The following ZNF385D variants were observed in gnomAD, a reference collection of about 807,000 sequenced individuals.
The protein encoded by ZNF385D is zinc finger protein 385D.
In ZNF385D, 15 loss-of-function variants were observed where a neutral mutation model predicts 35.8. That is an observed-to-expected ratio of 0.42 (90% CI 0.28 to 0.64). The LOEUF (loss-of-function observed/expected upper bound fraction) is 0.64, where lower values mean the gene tolerates loss of function less well. Ranked by LOEUF, ZNF385D falls within the 30% of genes least tolerant of loss-of-function variation. ZNF385D has a pLI of 0.23. For synonymous variants in ZNF385D, 212 were observed against 186.8 expected (o/e 1.13, Z -1.10); for missense variants, 474 against 494.6 (o/e 0.96, Z 0.39).
intron 3 of ZNF385D, among the ~76,000 whole-genome samples, chr3:21,859,282 C>A (rs531531304): frequency 1.3e-5 from 2 of 152,042 alleles, no homozygotes; most frequent in Non-Finnish European, 2.9e-5. Context: ...AGATTCACTT[C>A]TGCTTCAGGA....
chr3:21,698,533 C>G (rs977134016), intron 1 of ZNF385D, among the ~76,000 whole-genome samples: 7 of 152,038 alleles, frequency 4.6e-5, no homozygotes, highest in Non-Finnish European at 1.5e-5. Context: ...GATGGATACA[C>G]TAGAATCTCA....
intron 3 of ZNF385D, among the ~76,000 whole-genome samples, chr3:22,086,460 G>C (rs562545682): frequency 4.3e-4 from 65 of 152,246 alleles, no homozygotes; most frequent in African/African-American, 1.5e-3. Context: ...TTGCTTCAAA[G>C]AGAATAAAAT....
At chr3:22,313,287 A>G (rs1703685323) in intron 2 of ZNF385D, among the ~76,000 whole-genome samples, 1 of 151,552 alleles carries the variant, frequency 6.6e-6, no homozygotes, top group Non-Finnish European at 1.5e-5. Flanking sequence ...ATTAGGAGAT[A>G]TACCTAATGC....
At chr3:21,598,746 A>G (rs1379572414) in intron 2 of ZNF385D, among the ~76,000 whole-genome samples, 1 of 152,238 alleles carries the variant, frequency 6.6e-6, no homozygotes, top group Non-Finnish European at 1.5e-5. Context: ...AGGACTTGAT[A>G]TGGGAATGCT....
intron 1 of ZNF385D, among the ~76,000 whole-genome samples, chr3:21,675,931 C>G (rs2066710254): frequency 6.6e-6 from 1 of 152,020 alleles, no homozygotes; most frequent in Admixed American, 6.6e-5. Flanking sequence ...GTAACTAATT[C>G]TACTTAATGA....
intron 2 of ZNF385D, among the ~76,000 whole-genome samples, chr3:22,236,102 AAAT>A (rs1419435071): frequency 6.6e-6 from 1 of 152,168 alleles, no homozygotes; most frequent in Non-Finnish European, 1.5e-5. Context: ...CAATCAGCAC[AAAT>A]AATAATACAA....
intron 2 of ZNF385D, among the ~76,000 whole-genome samples, chr3:22,364,029 C>G (rs932607174): frequency 6.6e-6 from 1 of 152,042 alleles, no homozygotes; most frequent in Non-Finnish European, 1.5e-5. Flanking sequence ...GGGTTTCTAC[C>G]TCTTGATGCT....
At chr3:21,590,776 A>C (rs2063951121) in intron 2 of ZNF385D, among the ~76,000 whole-genome samples, 2 of 152,150 alleles carry the variant, frequency 1.3e-5, no homozygotes, top group Admixed American at 1.3e-4. Flanking sequence ...AGAAAACCTA[A>C]AACATAAATA....
chr3:21,943,351 G>T (rs919689728), intron 3 of ZNF385D, among the ~76,000 whole-genome samples: 5 of 151,146 alleles, frequency 3.3e-5, no homozygotes, highest in Admixed American at 1.3e-4. Context: ...GAGTGAGAAA[G>T]AATAAGTAAT....
chr3:22,348,421 G>A (rs1366343727), intron 2 of ZNF385D, among the ~76,000 whole-genome samples: 2 of 147,562 alleles, frequency 1.4e-5, no homozygotes, highest in Non-Finnish European at 3.0e-5. Flanking sequence ...GCCGAGGCAG[G>A]CAGATTACCT....
chr3:22,246,799 G>A (rs1699807570), intron 2 of ZNF385D, among the ~76,000 whole-genome samples: 2 of 152,032 alleles, frequency 1.3e-5, no homozygotes, highest in Non-Finnish European at 2.9e-5. Flanking sequence ...CCACTCTTAA[G>A]CCTTTTTTAC....
At chr3:21,529,106 AT>A (rs914992636) in intron 3 of ZNF385D, among the ~76,000 whole-genome samples, 17 of 151,762 alleles carry the variant, frequency 1.1e-4, no homozygotes, top group East Asian at 1.9e-4. Context: ...CTTTTTCCAT[AT>A]TTTTTTTGTC....
At chr3:21,920,108 GAAAC>G (rs1381088754) in intron 3 of ZNF385D, among the ~76,000 whole-genome samples, 6 of 152,104 alleles carry the variant, frequency 3.9e-5, no homozygotes, top group African/African-American at 9.7e-5. Context: ...TGGTTAAAAG[GAAAC>G]AAACAAAGAA....
chr3:22,143,749 T>A (rs1195170213), intron 3 of ZNF385D, among the ~76,000 whole-genome samples: 1 of 152,210 alleles, frequency 6.6e-6, no homozygotes, highest in East Asian at 1.9e-4. Flanking sequence ...TTAAACAATT[T>A]TATTAAATGT....
chr3:21,513,789 G>T (rs1353929260), intron 3 of ZNF385D, among the ~76,000 whole-genome samples: 2 of 151,972 alleles, frequency 1.3e-5, no homozygotes. Context: ...GAATTTATTG[G>T]ACAGTTCCTA....
At chr3:21,914,351 A>C (rs1700096284) in intron 3 of ZNF385D, among the ~76,000 whole-genome samples, 2 of 148,656 alleles carry the variant, frequency 1.3e-5, no homozygotes, top group South Asian at 4.2e-4. Flanking sequence ...TCAGTCTCTA[A>C]CCCATCTTCT....
chr3:21,839,942 C>T (rs183162368), intron 3 of ZNF385D, among the ~76,000 whole-genome samples: 15 of 152,156 alleles, frequency 9.9e-5, no homozygotes, highest in Admixed American at 5.9e-4. Context: ...GCAAATCTCT[C>T]TCAATTATGT....
chr3:21,680,882 T>C (rs2066877402), intron 1 of ZNF385D, among the ~76,000 whole-genome samples: 1 of 152,200 alleles, frequency 6.6e-6, no homozygotes, highest in African/African-American at 2.4e-5. Context: ...AGAAATATCC[T>C]TTCTTCTCTA....
intron 3 of ZNF385D, among the ~76,000 whole-genome samples, chr3:22,069,598 T>C (rs541542155): frequency 6.6e-6 from 1 of 152,304 alleles, no homozygotes; most frequent in Admixed American, 6.5e-5. Flanking sequence ...TAGAATGGTA[T>C]CTAGTGGAAT....
Sources: allele counts gnomAD v4.1 joint callset (sites outside exome capture counted in the v4.1 genomes callset), GRCh38; gene constraint gnomAD v4.1.1; transcripts MANE v1.5; gene names NCBI Gene and HGNC (gene_info 2026-07-23, HGNC 2026-07-21).